The following ANKRD30BL variants were observed in gnomAD, a reference collection of about 807,000 sequenced individuals.
ANKRD30BL encodes ankyrin repeat domain 30B like, also known as putative ankyrin repeat domain-containing protein 30B-like.
ANKRD30BL carries 20 observed loss-of-function variants against 18.4 expected under a neutral mutation model. The observed-to-expected ratio is 1.09, with a 90% CI of 0.77 to 1.58. The LOEUF (loss-of-function observed/expected upper bound fraction) is 1.58, where lower values mean the gene tolerates loss of function less well. ANKRD30BL is among the 40% of genes most tolerant of loss of function. The pLI, the probability that ANKRD30BL is intolerant of heterozygous loss-of-function variation, is 0.00. For synonymous variants in ANKRD30BL, 72 were observed against 100.9 expected, an observed-to-expected ratio of 0.71 and a Z score of 1.72; for missense variants, 224 against 268.6, an observed-to-expected ratio of 0.83 and a Z score of 1.16.
intron 5 of ANKRD30BL, among the ~76,000 whole-genome samples, chr2:132,149,920 G>T (rs1209249770): frequency 6.6e-6 from 1 of 152,188 alleles, no homozygotes; most frequent in South Asian, 2.1e-4. Context: ...TAAGAATACA[G>T]TATATAGTAC....
At chr2:132,232,087 C>A (rs1235960754) in intron 1 of ANKRD30BL, among the ~76,000 whole-genome samples, 1 of 152,156 alleles carries the variant, frequency 6.6e-6, no homozygotes, top group African/African-American at 2.4e-5. Context: ...TGACACCTCA[C>A]ACGGCAGGGT....
In ANKRD30BL at chr2:132,232,451, C is replaced by A. The variant is rs201635150; in HGVS notation, n.441+25078G>T. Reference sequence around the variant, plus strand: ...GAAAACTTTGAAAAAAATTTAGAAGCACGTATAACTAGAATAACCAATAGA... The same window carrying A: ...GAAAACTTTGAAAAAAATTTAGAAGAACGTATAACTAGAATAACCAATAGA... On this transcript the variant is annotated intron_variant and non_coding_transcript_variant, in intron 1 of 4. Coordinates refer to the ANKRD30BL transcript ENST00000470729. Among the ~76,000 whole-genome samples the A allele has an allele frequency of 6.4e-4, 98 of 152,128 alleles. 1 individual carries two copies. The highest frequency in any genetic ancestry group is 1.1e-3 in the Non-Finnish European group (72 of 68,020).
At chr2:132,253,569 A>T (rs1329451925) in intron 1 of ANKRD30BL, among the ~76,000 whole-genome samples, 2 of 152,066 alleles carry the variant, frequency 1.3e-5, no homozygotes, top group African/African-American at 4.8e-5. Flanking sequence ...CGACAGCACG[A>T]TGGCCACTGG....
At chr2:132,191,194 CTACT>C (rs1405612693) in intron 1 of ANKRD30BL, among the ~76,000 whole-genome samples, 1 of 152,098 alleles carries the variant, frequency 6.6e-6, no homozygotes, top group African/African-American at 2.4e-5. Flanking sequence ...TATAATATAC[CTACT>C]GTTGTTTCAT....
intron 1 of ANKRD30BL, among the ~76,000 whole-genome samples, chr2:132,242,030 C>T (rs113461588): frequency 9.3e-5 from 14 of 151,136 alleles, no homozygotes; most frequent in African/African-American, 1.7e-4. Context: ...AATATCTTCA[C>T]GTAAAAAGTA....
chr2:132,254,206 C>T (rs369327826), intron 1 of ANKRD30BL, among the ~76,000 whole-genome samples: 1 of 151,220 alleles, frequency 6.6e-6, no homozygotes, highest in African/African-American at 2.4e-5. Flanking sequence ...TCTCTCCCTC[C>T]CGAGTTCTCT....
chr2:132,228,385 G>A (rs1679904246), intron 1 of ANKRD30BL, among the ~76,000 whole-genome samples: 1 of 151,900 alleles, frequency 6.6e-6, no homozygotes, highest in African/African-American at 2.4e-5. Context: ...TCTGCAAGTG[G>A]ACATTTGGAG....
At chr2:132,159,269 T>C (rs1245137149) in intron 1 of ANKRD30BL, among the ~76,000 whole-genome samples, 4 of 152,110 alleles carry the variant, frequency 2.6e-5, no homozygotes, top group Non-Finnish European at 5.9e-5. Flanking sequence ...GTAAATTCAC[T>C]GAAATGTATT....
chr2:132,205,277 A>G (rs1386863544), intron 1 of ANKRD30BL, among the ~76,000 whole-genome samples: 2 of 152,154 alleles, frequency 1.3e-5, no homozygotes, highest in Non-Finnish European at 2.9e-5. Context: ...TAGTACTTAC[A>G]CAGTGGACGT....
Position 132,187,263 on chromosome 2 carries a change from G to A in ANKRD30BL, n.442-30117C>T, listed in dbSNP as rs536028272. On this transcript the variant is annotated intron_variant and non_coding_transcript_variant, in intron 1 of 4. Coordinates refer to the ANKRD30BL transcript ENST00000470729. ...GGCTGGAGTGGAGTGGCGTGATCTC[G>A]GCTTGCTGTAACTTCTGCCTCCCGG... Among the ~76,000 whole-genome samples the A allele has an allele frequency of 3.6e-5, 5 of 137,992 alleles. No homozygotes were observed. In the South Asian group the frequency reaches 6.9e-4, roughly 19 times the overall value. The allele number at this position is 137,992 out of a possible 152,430, so 90.5% of individuals were successfully genotyped here. A position where few individuals can be genotyped will look rare whatever the true frequency, so the allele number is the denominator to read the frequency against.
chr2:132,187,188 G>GTTTTTTTTTT (rs1193358076), intron 1 of ANKRD30BL, among the ~76,000 whole-genome samples: 6 of 90,618 alleles, frequency 6.6e-5, no homozygotes, highest in African/African-American at 1.2e-4. Flanking sequence ...TTTTTTGTTT[G>GTTTTTTTTTT]TTTTTTTTTT....
At chr2:132,189,260 T>C (rs924465749) in intron 1 of ANKRD30BL, among the ~76,000 whole-genome samples, 21 of 152,214 alleles carry the variant, frequency 1.4e-4, no homozygotes, top group Admixed American at 6.6e-5. Flanking sequence ...TAAGCAGACA[T>C]AGTCAACATA....
chr2:132,211,106 A>T (rs1679335113), intron 1 of ANKRD30BL, among the ~76,000 whole-genome samples: 1 of 152,058 alleles, frequency 6.6e-6, no homozygotes, highest in African/African-American at 2.4e-5. Flanking sequence ...TGATGTGTGC[A>T]TTCATCTCAC....
chr2:132,218,929 G>C (rs1229575174), intron 1 of ANKRD30BL, among the ~76,000 whole-genome samples: 2 of 151,682 alleles, frequency 1.3e-5, no homozygotes, highest in African/African-American at 4.8e-5. Context: ...TCTGCAAATG[G>C]ACATTTGGAC....
chr2:132,202,811 A>G (rs534999043), intron 1 of ANKRD30BL, among the ~76,000 whole-genome samples: 5 of 152,342 alleles, frequency 3.3e-5, no homozygotes, highest in African/African-American at 9.6e-5. Context: ...TTGAAGGCCC[A>G]TTGCACAATG....
chr2:132,227,887 C>T (rs13395994), intron 1 of ANKRD30BL, among the ~76,000 whole-genome samples: 5,897 of 151,936 alleles, frequency 0.039, 400 homozygotes, highest in African/African-American at 0.13. Context: ...GCATTTGAAG[C>T]GCTTTGCAGC....
At chr2:132,165,765 C>CTT (rs542769216), upstream of ANKRD30BL, among the ~76,000 whole-genome samples, 23,867 of 137,602 alleles carry the variant, frequency 0.17, 2,051 homozygotes, top group South Asian at 0.26. Flanking sequence ...ATATGTAAGA[C>CTT]TTTTTTTTTT....
chr2:132,159,811 T>C (rs553070003), intron 1 of ANKRD30BL, among the ~76,000 whole-genome samples: 4 of 152,330 alleles, frequency 2.6e-5, no homozygotes, highest in Non-Finnish European at 4.4e-5. Context: ...AAAGGTGTTG[T>C]CAACATAAAA....
chr2:132,222,397 G>A (rs936178266), intron 1 of ANKRD30BL, among the ~76,000 whole-genome samples: 15 of 152,102 alleles, frequency 9.9e-5, no homozygotes, highest in South Asian at 4.1e-4. Flanking sequence ...ATAGAAAGGC[G>A]GGAAGGTTGG....
Sources: gnomAD v4.1 joint callset for allele counts (sites outside exome capture counted in the v4.1 genomes callset) on GRCh38, gnomAD v4.1.1 for gene constraint, MANE v1.5 for transcripts, NCBI Gene and HGNC (gene_info 2026-07-23, HGNC 2026-07-21) for gene names.